Variants in WWOX observed in about 807,000 individuals in gnomAD.
WWOX encodes WW domain-containing oxidoreductase.
WWOX carries 69 observed loss-of-function variants against 46.2 expected under a neutral mutation model. The observed-to-expected ratio is 1.49, with a 90% confidence interval of 1.23 to 1.82. The LOEUF (loss-of-function observed/expected upper bound fraction) is 1.82, where lower values mean the gene tolerates loss of function less well. Ranked by LOEUF, WWOX falls within the 40% of genes most tolerant of loss-of-function variation. The probability of loss-of-function intolerance (pLI) is 0.00; values close to 1 mark genes in which losing one functional copy is unlikely to be tolerated. For synonymous variants in WWOX, 359 were observed against 202.6 expected, an observed-to-expected ratio of 1.77 and a Z score of -6.56; for missense variants, 919 against 542.6, an observed-to-expected ratio of 1.69 and a Z score of -6.89.
At chr16:79,160,854 A>C (rs948230267) in intron 8 of WWOX, among the ~76,000 whole-genome samples, 2 of 149,768 alleles carry the variant, frequency 1.3e-5, no homozygotes, top group Non-Finnish European at 2.9e-5. Context: ...GTGTACGTAT[A>C]CACGCACACA....
At chr16:78,501,639 C>G (rs374810268) in intron 8 of WWOX, among the ~76,000 whole-genome samples, 17 of 152,030 alleles carry the variant, frequency 1.1e-4, no homozygotes, top group African/African-American at 4.1e-4. Flanking sequence ...TGGCTTCACG[C>G]CATTCTCCTG....
chr16:78,861,172 C>T lies in WWOX; in HGVS notation c.1057-350436C>T, dbSNP rs375102541. On this transcript the variant is annotated intron_variant, in intron 8 of 8. Transcript: ENST00000566780. ...TTCCTCCCTCTCTCTCTTTCTTCCT[C>T]TCTTTGCTTCTTTCCTTTTTTCCTT... Among the ~76,000 whole-genome samples, 41 of 151,924 alleles carry T rather than the reference C, an allele frequency of 2.7e-4. No individual in the cohort carries two copies. In the South Asian group the frequency reaches 7.1e-3, roughly 26 times the overall value.
intron 8 of WWOX, among the ~76,000 whole-genome samples, chr16:78,617,080 C>G (rs114844184): frequency 0.017 from 2,586 of 152,268 alleles, 69 homozygotes; most frequent in African/African-American, 0.059. Flanking sequence ...CTTGGACATT[C>G]TGTTCAACCC....
At chr16:78,917,882 T>G (rs1259856406) in intron 8 of WWOX, among the ~76,000 whole-genome samples, 1 of 152,108 alleles carries the variant, frequency 6.6e-6, no homozygotes, top group Non-Finnish European at 1.5e-5. Flanking sequence ...GAGATCTTGT[T>G]TTTTAAAACA....
intron 8 of WWOX, among the ~76,000 whole-genome samples, chr16:79,006,583 C>T (rs1360916336): frequency 6.6e-6 from 1 of 151,888 alleles, no homozygotes; most frequent in Non-Finnish European, 1.5e-5. Context: ...CTGCTGTAAC[C>T]AATGATTACA....
At position 78,798,047 on chromosome 16, in the gene WWOX, G is replaced by T. The variant is rs1468130555; in HGVS notation, c.1056+365295G>T. On this transcript the variant is annotated intron_variant, in intron 8 of 8. Transcript: ENST00000566780. ...GGAGCTATGAGAAATCTTAGCCCAT[G>T]GAATCCAGTCTTCTCCTTTTGTTTC... Among the ~76,000 whole-genome samples the T allele has an allele frequency of 2.0e-5, 3 of 152,148 alleles. No individual in the cohort carries two copies. In the East Asian group the frequency reaches 5.8e-4, roughly 29 times the overall value.
intron 6 of WWOX, among the ~76,000 whole-genome samples, chr16:78,424,527 T>TTA (rs1231647875): frequency 6.6e-6 from 1 of 152,220 alleles, no homozygotes; most frequent in East Asian, 1.9e-4. Context: ...TAAGAAAGAA[T>TTA]TAATCAGGTG....
intron 8 of WWOX, among the ~76,000 whole-genome samples, chr16:78,854,241 A>G (rs2052517242): frequency 6.6e-6 from 1 of 152,224 alleles, no homozygotes; most frequent in South Asian, 2.1e-4. Flanking sequence ...TATTATAATA[A>G]AACTTCATTT....
intron 8 of WWOX, among the ~76,000 whole-genome samples, chr16:79,155,735 G>A (rs959763043): frequency 6.6e-6 from 1 of 152,126 alleles, no homozygotes; most frequent in African/African-American, 2.4e-5. Context: ...CTCCTAACAG[G>A]CTGATAATCC....
Position 78,869,757 on chromosome 16 carries a change from G to A in WWOX, c.1057-341851G>A, listed in dbSNP as rs192338383. Among the ~76,000 whole-genome samples, 206 of 152,302 alleles carry A rather than the reference G, an allele frequency of 1.4e-3. 1 individual carries two copies. The highest frequency in any genetic ancestry group is 5.7e-3 in the Admixed American group (87 of 15,294). ...ATTTCTAGTTTCTAAACAACAATAA[G>A]TCTTGCTCGCAGATAGCCTCTTAGC... On this transcript the variant is annotated intron_variant, in intron 8 of 8. Coordinates refer to ENST00000566780, the MANE Select transcript of WWOX (RefSeq NM_016373.4).
intron 8 of WWOX, among the ~76,000 whole-genome samples, chr16:78,511,433 C>G (rs1038934764): frequency 3.3e-5 from 5 of 152,170 alleles, no homozygotes; most frequent in African/African-American, 7.2e-5. Flanking sequence ...ATTTTGCAAT[C>G]CCATGCACGT....
intron 8 of WWOX, among the ~76,000 whole-genome samples, chr16:78,970,449 C>T (rs899354102): frequency 8.5e-5 from 13 of 152,106 alleles, no homozygotes; most frequent in African/African-American, 2.9e-4. Flanking sequence ...TGCTCTTGAG[C>T]GATCACAGTT....
At chr16:78,946,605 G>T (rs2045953513) in intron 8 of WWOX, among the ~76,000 whole-genome samples, 1 of 152,178 alleles carries the variant, frequency 6.6e-6, no homozygotes. Context: ...CTGGAAGACA[G>T]AGTTTCTTTC....
intron 4 of WWOX, among the ~76,000 whole-genome samples, chr16:78,124,606 TC>T (rs1267938284): frequency 6.6e-6 from 1 of 152,224 alleles, no homozygotes; most frequent in Non-Finnish European, 1.5e-5. Flanking sequence ...ATTTGTGATC[TC>T]CCTTTGGCTT....
intron 8 of WWOX, among the ~76,000 whole-genome samples, chr16:78,784,389 G>C (rs987984584): frequency 1.3e-5 from 2 of 151,946 alleles, no homozygotes; most frequent in African/African-American, 4.8e-5. Flanking sequence ...TCAGAAATCT[G>C]TGACTCCACT....
At chr16:79,083,015 C>T (rs1250622673) in intron 8 of WWOX, among the ~76,000 whole-genome samples, 3 of 152,062 alleles carry the variant, frequency 2.0e-5, no homozygotes, top group Non-Finnish European at 4.4e-5. Flanking sequence ...GCACTCCTAC[C>T]AAAGACACAG....
At chr16:79,122,469 T>G (rs1265254358) in intron 8 of WWOX, among the ~76,000 whole-genome samples, 1 of 152,044 alleles carries the variant, frequency 6.6e-6, no homozygotes, top group African/African-American at 2.4e-5. Context: ...CTTTTTCTGT[T>G]TCTTTCCTTC....
At position 78,339,185 on chromosome 16, in the gene WWOX, ATAAG is replaced by A. The variant is rs1369436065; in HGVS notation, c.517-47669_517-47666del. On this transcript the variant is annotated intron_variant, in intron 5 of 8. Coordinates refer to ENST00000566780, the MANE Select transcript of WWOX (RefSeq NM_016373.4). ...GTTTTTTTTGTTTAAATTGTTATAA[ATAAG>A]TAAGTGTATGCACCACTATGCCATG... Among the ~76,000 whole-genome samples, 4 of 119,602 alleles carry A rather than the reference ATAAG, an allele frequency of 3.3e-5. 2 individuals carry two copies. Among genetic ancestry groups the A allele is most frequent in the Admixed American group, 1.6e-4 (2 of 12,212 alleles). The allele number at this position is 119,602 out of a possible 152,430, so 78.5% of individuals were successfully genotyped here.
chr16:79,140,313 C>T (rs1325250834), intron 8 of WWOX, among the ~76,000 whole-genome samples: 1 of 152,194 alleles, frequency 6.6e-6, no homozygotes. Flanking sequence ...TTGCTACATT[C>T]TTAGGCAAGT....
Sources: allele counts gnomAD v4.1 joint callset (sites outside exome capture counted in the v4.1 genomes callset), GRCh38; gene constraint gnomAD v4.1.1; transcripts MANE v1.5; gene names NCBI Gene and HGNC (gene_info 2026-07-23, HGNC 2026-07-21).